ZNF676: variants seen among roughly 807,000 people sequenced by gnomAD.
ZNF676 encodes the protein zinc finger protein 676.
A neutral mutation model predicts 6.0 loss-of-function variants in ZNF676; 4 were observed. The ratio of observed to expected loss-of-function variants is 0.67; its 90% CI spans 0.33 to 1.53. The LOEUF is 1.53. Among genes scored for constraint, ZNF676 ranks in the 40% most tolerant of loss-of-function variants. The pLI is 0.06. For synonymous variants in ZNF676, 198 were observed against 223.1 expected (o/e 0.89, Z 1.00); for missense variants, 644 against 679.7 (o/e 0.95, Z 0.58).
upstream of ZNF676, among the ~76,000 whole-genome samples, chr19:22,218,333 T>A (rs949193326): frequency 1.6e-4 from 25 of 152,006 alleles, no homozygotes; most frequent in African/African-American, 3.4e-4. Flanking sequence ...AAGATACTTT[T>A]TTTTTATTTT....
chr19:22,216,547 G>T (rs1436689828), upstream of ZNF676, among the ~76,000 whole-genome samples: 1 of 151,966 alleles, frequency 6.6e-6, no homozygotes, highest in Non-Finnish European at 1.5e-5. Flanking sequence ...TGTCATTTTT[G>T]AACACTCTAG....
intron 1 of ZNF676, among the ~76,000 whole-genome samples, chr19:22,213,368 C>A (rs917493914): frequency 6.6e-6 from 1 of 152,130 alleles, no homozygotes; most frequent in African/African-American, 2.4e-5. Flanking sequence ...CCTTCAATAC[C>A]GGCATCTGAT....
At chr19:22,248,978 C>T in the ZNF676 span, among the ~76,000 whole-genome samples, 25 of 152,216 alleles carry the variant, frequency 1.6e-4, no homozygotes, top group Non-Finnish European at 3.2e-4. Context: ...GATCTGCCCA[C>T]CTTGGCCTCC....
rs1432638937 is a variant in ZNF676 at position 22,181,603 on chromosome 19, A to G, written c.131-17T>C. Reference sequence around the variant, plus strand: ...AACATATAACTGAAAAGAAATAAAAATAACAAATTAATCTACATATTAGAC... The same window carrying G: ...AACATATAACTGAAAAGAAATAAAAGTAACAAATTAATCTACATATTAGAC... On this transcript the variant is annotated splice_polypyrimidine_tract_variant and intron_variant, in intron 2 of 2. Transcript: ENST00000397121. 2 of 1,497,938 alleles carry G rather than the reference A, an allele frequency of 1.3e-6. No individual in the cohort carries two copies. Among genetic ancestry groups the G allele is most frequent in the Admixed American group, 2.4e-5 (1 of 40,964 alleles). The allele number at this position is 1,497,938 out of a possible 1,614,324, so 92.8% of individuals were successfully genotyped here. A position where few individuals can be genotyped will look rare whatever the true frequency, so the allele number is the denominator to read the frequency against.
At chr19:22,256,957 A>G in the ZNF676 span, among the ~76,000 whole-genome samples, 2 of 152,178 alleles carry the variant, frequency 1.3e-5, no homozygotes, top group South Asian at 2.1e-4. Flanking sequence ...TGCTAGGACT[A>G]GTGATACATC....
At chr19:22,243,033 C>G in the ZNF676 span, among the ~76,000 whole-genome samples, 2 of 151,694 alleles carry the variant, frequency 1.3e-5, no homozygotes, top group Non-Finnish European at 2.9e-5. Context: ...TGTGGTAAGC[C>G]CAGTATTAAG....
the ZNF676 span, among the ~76,000 whole-genome samples, chr19:22,228,948 C>G: frequency 6.6e-6 from 1 of 152,060 alleles, no homozygotes; most frequent in Admixed American, 6.6e-5. Flanking sequence ...TTTATAGACC[C>G]AATGCCATCC....
In ZNF676 at chr19:22,179,824, A is replaced by C. The variant is rs1009002473; in HGVS notation, c.*126T>G. ...AGCATGAATTTTCTTATGTGTAATA[A>C]AGATTGAGGACTGTTTAAAAGCTTT... On this transcript the variant is annotated 3_prime_UTR_variant, in exon 3 of 3. Coordinates refer to ENST00000397121, the MANE Select transcript of ZNF676 (RefSeq NM_001001411.3). 9.0e-7 allele frequency: 1 copy of C among 1,113,162 alleles called. No individual in the cohort carries two copies. Among genetic ancestry groups the C allele is most frequent in the African/African-American group, 1.6e-5 (1 of 64,198 alleles). The allele number at this position is 1,113,162 out of a possible 1,614,324, so 69.0% of individuals were successfully genotyped here.
chr19:22,206,437 C>T (rs1248416120), intron 1 of ZNF676, among the ~76,000 whole-genome samples: 4 of 152,190 alleles, frequency 2.6e-5, no homozygotes, highest in African/African-American at 9.6e-5. Flanking sequence ...CTTTGGGAGG[C>T]CAAGGTGGGT....
chr19:22,251,795 A>G, the ZNF676 span, among the ~76,000 whole-genome samples: 1 of 151,934 alleles, frequency 6.6e-6, no homozygotes, highest in Admixed American at 6.6e-5. Context: ...TCAAAAAAAA[A>G]AAAAAAAAAT....
chr19:22,206,526 T>A (rs1394671286), intron 1 of ZNF676, among the ~76,000 whole-genome samples: 1 of 151,656 alleles, frequency 6.6e-6, no homozygotes, highest in Non-Finnish European at 1.5e-5. Flanking sequence ...CAGGAAAAAA[T>A]TAGCTGGGCA....
chr19:22,237,837 A>C, the ZNF676 span, among the ~76,000 whole-genome samples: 1 of 152,296 alleles, frequency 6.6e-6, no homozygotes, highest in South Asian at 2.1e-4. Flanking sequence ...GCAGGGTCCC[A>C]TTCTTTTCCA....
chr19:22,215,741 T>A (rs1422782280), exon 1 of ZNF676: 1 of 1,413,242 alleles, frequency 7.1e-7, no homozygotes, highest in African/African-American at 1.4e-5. Context: ...GACAAGGCCT[T>A]TACCTCCGGC....
intron 1 of ZNF676, among the ~76,000 whole-genome samples, chr19:22,205,211 G>A (rs188111932): frequency 1.1e-3 from 166 of 152,144 alleles, no homozygotes; most frequent in African/African-American, 3.8e-3. Flanking sequence ...AGTAATAATC[G>A]GGGACTACAT....
chr19:22,184,495 G>C (rs137900420), intron 2 of ZNF676, among the ~76,000 whole-genome samples: 2 of 152,150 alleles, frequency 1.3e-5, no homozygotes, highest in East Asian at 3.9e-4. Flanking sequence ...CCCCAGTATA[G>C]TGCCCAGAAG....
At chr19:22,208,519 G>A (rs772203585) in intron 1 of ZNF676, among the ~76,000 whole-genome samples, 2 of 152,088 alleles carry the variant, frequency 1.3e-5, no homozygotes, top group Non-Finnish European at 2.9e-5. Flanking sequence ...CCTCACAACG[G>A]GGTTTATACC....
At chr19:22,231,572 A>C in the ZNF676 span, among the ~76,000 whole-genome samples, 419 of 64,704 alleles carry the variant, frequency 6.5e-3, 86 homozygotes, top group African/African-American at 0.039. Flanking sequence ...AGAGCAGAAG[A>C]GGTCAAAATA....
upstream of ZNF676, chr19:22,197,020 T>C (rs777559213): frequency 1.0e-5 from 3 of 299,174 alleles, no homozygotes; most frequent in Non-Finnish European, 1.9e-5. Flanking sequence ...GAGTGCTATA[T>C]TTACATCATA....
chr19:22,237,334 G>T, the ZNF676 span, among the ~76,000 whole-genome samples: 5 of 152,146 alleles, frequency 3.3e-5, no homozygotes, highest in African/African-American at 4.8e-5. Flanking sequence ...CCTACTTAGT[G>T]GGTCCAAATA....
Sources: gnomAD v4.1 joint callset for allele counts (sites outside exome capture counted in the v4.1 genomes callset) on GRCh38, gnomAD v4.1.1 for gene constraint, MANE v1.5 for transcripts, NCBI Gene and HGNC (gene_info 2026-07-23, HGNC 2026-07-21) for gene names.